PMP22: variants seen among roughly 807,000 people sequenced by gnomAD.
PMP22 encodes the protein peripheral myelin protein 22.
Under a neutral mutation model 18.9 loss-of-function variants are expected in PMP22, and 2 were observed. That is an observed-to-expected ratio of 0.11 (90% confidence interval 0.04 to 0.33). The LOEUF is 0.33. Among genes scored for constraint, PMP22 ranks in the 10% least tolerant of loss-of-function variants. The pLI is 1.00. For missense variants in PMP22, 169 were observed against 202.2 expected, an observed-to-expected ratio of 0.84 and a Z score of 1.00; for synonymous variants, 95 against 89.2, an observed-to-expected ratio of 1.07 and a Z score of -0.37.
In PMP22 at chr17:15,261,994, C is replaced by T. The variant is rs780052380; in HGVS notation, c.-34-1233G>A. Among the ~76,000 whole-genome samples the T allele has an allele frequency of 2.6e-5, 4 of 152,212 alleles. No individual in the cohort carries two copies. Among genetic ancestry groups the T allele is most frequent in the South Asian group, 2.1e-4 (1 of 4,836 alleles). On this transcript the variant is annotated intron_variant, in intron 1 of 4. Coordinates refer to ENST00000312280, the MANE Select transcript of PMP22 (RefSeq NM_000304.4). This position sits in a 1 kb window ranked among gnomAD's most constrained non-coding sequence, Gnocchi z 5.2. The stretch of plus-strand genomic sequence containing the variant: ...ACATTCAAAGAAACTCTGGAATGCA[C>T]TGGAAGAAATAAACAAGGATTTCTG...
chr17:15,242,124 G>A (rs982789252), intron 3 of PMP22, among the ~76,000 whole-genome samples: 3 of 151,730 alleles, frequency 2.0e-5, no homozygotes, highest in Non-Finnish European at 2.9e-5. Context: ...TGTGCTGGTG[G>A]ACACCTATAG....
At chr17:15,260,353 A>T in intron 2 of PMP22, 1 of 453,762 alleles carries the variant, frequency 2.2e-6, no homozygotes, top group Non-Finnish European at 4.0e-6. Context: ...GAAAAAAAAA[A>T]GTTAAACAAT....
chr17:15,236,066 C>CT (rs58945161), intron 4 of PMP22, among the ~76,000 whole-genome samples: 1,608 of 144,656 alleles, frequency 0.011, 11 homozygotes, highest in Non-Finnish European at 0.018. Flanking sequence ...CGCCCACTGT[C>CT]TTTTTTTTTT....
rs148879031 is a variant in PMP22 at position 15,242,726 on chromosome 17, T to C, written c.179-3115A>G. On this transcript the variant is annotated intron_variant, in intron 3 of 4. Transcript: ENST00000312280. Reference sequence around the variant, plus strand: ...TAACAAATCTGTCCTAATAGATGTATAGAAAACTTGTGTCTATATAGCAAA... The same window carrying C: ...TAACAAATCTGTCCTAATAGATGTACAGAAAACTTGTGTCTATATAGCAAA... Among the ~76,000 whole-genome samples, 639 of 152,292 alleles carry C rather than the reference T, an allele frequency of 4.2e-3. 8 individuals are homozygous for C. Among genetic ancestry groups the C allele is most frequent in the African/African-American group, 0.014 (592 of 41,572 alleles).
rs765741053 is a variant in PMP22, at chr17:15,260,654, A to C, written c.74T>G (p.Val25Gly). Residue 25 changes from valine to glycine, a missense_variant, in exon 2 of 5, where the codon GTC (valine) becomes GGC (glycine). Val to Gly is a moderately radical substitution (Grantham distance 109, BLOSUM62 -3). Coordinates refer to ENST00000312280, the MANE Select transcript of PMP22 (RefSeq NM_000304.4). ...VLVLLFVSTI[V>G]SQWIVGNGHA... is the part of the protein sequence containing the mutation. ...GCCTCCCCGCCAGGCACTCACGCTG[A>C]CGATCGTGGAGACGAACAGCAGCAC... The C allele has an allele frequency of 1.0e-5, 16 of 1,551,986 alleles. No individual in the cohort carries two copies. The highest frequency in any genetic ancestry group is 1.4e-5 in the Non-Finnish European group (16 of 1,147,094).
At chr17:15,260,354 G>C (rs187363504) in intron 2 of PMP22, 4,796 of 449,758 alleles carry the variant, frequency 0.011, 115 homozygotes, top group East Asian at 0.068. Flanking sequence ...AAAAAAAAAA[G>C]TTAAACAATC....
chr17:15,235,228 C>T (rs776164058), intron 4 of PMP22: 1 of 717,358 alleles, frequency 1.4e-6, no homozygotes. Flanking sequence ...CTCAGGAGTC[C>T]CCTCTATTCT....
At chr17:15,250,977 A>G (rs1908292124) in intron 3 of PMP22, among the ~76,000 whole-genome samples, 1 of 152,112 alleles carries the variant, frequency 6.6e-6, no homozygotes, top group South Asian at 2.1e-4. Context: ...CAAAACATGA[A>G]TCAAATCATG....
At chr17:15,242,600 T>G (rs9889865) in intron 3 of PMP22, among the ~76,000 whole-genome samples, 1 of 151,924 alleles carries the variant, frequency 6.6e-6, no homozygotes, top group Non-Finnish European at 1.5e-5. Context: ...TGAGAAGAAA[T>G]TGTTAAAATC....
chr17:15,239,673 AGGTGCAGGGCCTGAAGGGCCATGACTGCT>A, intron 3 of PMP22, 62 bp from the exon 4 acceptor site: 2 of 1,574,650 alleles, frequency 1.3e-6, no homozygotes, highest in South Asian at 2.2e-5. Context: ...CTCTGCCTCG[AGGTGCAGGGCCTGAAGGGCCATGACTGCT>A]GACAGCACAG....
chr17:15,239,516 T>C lies in PMP22; in HGVS notation c.274A>G (p.Lys92Glu). The C allele has an allele frequency of 6.2e-7, 1 of 1,614,046 alleles. No homozygotes were observed. Among genetic ancestry groups the C allele is most frequent in the Admixed American group, 1.7e-5 (1 of 60,020 alleles). The change falls in exon 4 of 5, where the codon AAG (lysine) becomes GAG (glutamate). Residue 92 changes from lysine to glutamate, a missense_variant. Physicochemically the swap from Lys to Glu is moderately conservative, Grantham distance 56. Transcript: ENST00000312280. Reference sequence around the variant, plus strand: ...CCAGTGATGTAAAACCTGCCCCCCTTGGTGAGGGTGAAGAGTTGGCAGAAG... The same window carrying C: ...CCAGTGATGTAAAACCTGCCCCCCTCGGTGAGGGTGAAGAGTTGGCAGAAG... The part of the protein sequence containing the change: ...LFFCQLFTLT[K>E]GGRFYITGIF...
In PMP22 at chr17:15,230,819, G is replaced by C. The variant is rs541586082; in HGVS notation, c.*98C>G. 7.3e-7 allele frequency: 1 copy of C among 1,372,182 alleles called. No homozygotes were observed. Among genetic ancestry groups the C allele is most frequent in the Non-Finnish European group, 1.0e-6 (1 of 969,214 alleles). The allele number at this position is 1,372,182 out of a possible 1,614,324, so 85.0% of individuals were successfully genotyped here. A position where few individuals can be genotyped will look rare whatever the true frequency, so the allele number is the denominator to read the frequency against. ...TTCTGTTTGGTTTGGTTTGAGTTTG[G>C]GATTTTGGGCTAGCTCTTTTTTCTT... On this transcript the variant is annotated 3_prime_UTR_variant, in exon 5 of 5. Coordinates refer to ENST00000312280, the MANE Select transcript of PMP22 (RefSeq NM_000304.4).
chr17:15,260,588 G>T (rs1327399308), intron 2 of PMP22, 62 bp downstream of exon 2: 12 of 1,350,568 alleles, frequency 8.9e-6, no homozygotes, highest in Non-Finnish European at 1.1e-5. Context: ...GCAGGAGCAC[G>T]GGCTGGGAAC....
intron 3 of PMP22, among the ~76,000 whole-genome samples, chr17:15,244,746 C>G (rs986171050): frequency 2.3e-4 from 35 of 152,282 alleles, no homozygotes; most frequent in African/African-American, 8.2e-4. Flanking sequence ...CATCCACAGG[C>G]ATGCAAATAT....
chr17:15,264,230 G>GTAGATAGA (rs1009453770), intron 1 of PMP22, among the ~76,000 whole-genome samples: 7 of 85,024 alleles, frequency 8.2e-5, no homozygotes, highest in African/African-American at 3.0e-4. Context: ...AGGTAGGTAG[G>GTAGATAGA]TAGATAGATA....
chr17:15,246,100 A>G (rs994948297), intron 3 of PMP22, among the ~76,000 whole-genome samples: 1 of 152,218 alleles, frequency 6.6e-6, no homozygotes, highest in Admixed American at 6.5e-5. Flanking sequence ...CCAGAACTCC[A>G]AAAGTGTTTT....
At chr17:15,233,261 A>T (rs9913444) in intron 4 of PMP22, among the ~76,000 whole-genome samples, 3,182 of 152,322 alleles carry the variant, frequency 0.021, 92 homozygotes, top group African/African-American at 0.069. Context: ...CCTGAGGCAC[A>T]GGCAGATGTT....
chr17:15,261,554 C>T lies in PMP22; in HGVS notation c.-34-793G>A, dbSNP rs918120851. The T allele has an allele frequency of 1.3e-5, 2 of 152,262 alleles. No homozygotes were observed. The highest frequency in any genetic ancestry group is 2.9e-5 in the Non-Finnish European group (2 of 68,122). The allele number at this position is 152,262 out of a possible 1,614,324, so 9.4% of individuals were successfully genotyped here. ...TGCTCTTGCGCTAGACCCACGTGCTCGCCTAGGGGTCCAGTCTGCACCCCA... is the reference window on the plus strand; with the variant it reads ...TGCTCTTGCGCTAGACCCACGTGCTTGCCTAGGGGTCCAGTCTGCACCCCA... On this transcript the variant is annotated intron_variant, in intron 1 of 4. Transcript: ENST00000312280. The surrounding 1 kb of genome is among the most constrained non-coding windows in gnomAD (Gnocchi z 5.2).
intron 3 of PMP22, among the ~76,000 whole-genome samples, chr17:15,254,683 C>T (rs1908665990): frequency 1.3e-5 from 2 of 152,120 alleles, no homozygotes; most frequent in African/African-American, 2.4e-5. Flanking sequence ...GATGGCCAGG[C>T]ATGGTGGCTC....
Sources: allele counts gnomAD v4.1 joint callset (sites outside exome capture counted in the v4.1 genomes callset), GRCh38; gene constraint gnomAD v4.1.1; non-coding constraint Gnocchi (gnomAD v3.1); transcripts MANE v1.5; gene names NCBI Gene and HGNC (gene_info 2026-07-23, HGNC 2026-07-21).